SLC6A19: variants seen among roughly 807,000 people sequenced by gnomAD.
The protein encoded by SLC6A19 is solute carrier family 6 member 19.
SLC6A19 carries 67 observed loss-of-function variants against 68.3 expected under a neutral mutation model. The ratio of observed to expected loss-of-function variants is 0.98; its 90% CI spans 0.81 to 1.20. The LOEUF (loss-of-function observed/expected upper bound fraction) is 1.20. Ranked by LOEUF, SLC6A19 falls within the 50% of genes most tolerant of loss-of-function variation. The pLI is 0.00. For missense variants in SLC6A19, 813 were observed against 851.6 expected (o/e 0.95, Z 0.56); for synonymous variants, 392 against 374.9 (o/e 1.05, Z -0.53).
Position 1,214,156 on chromosome 5 carries a change from G to C in SLC6A19, c.887+91G>C. On this transcript the variant is annotated intron_variant, in intron 6 of 11. Transcript: ENST00000304460. This position sits in a 1 kb window ranked among gnomAD's most constrained non-coding sequence, Gnocchi z 7.4. ...AAAGACAAGGTGGAAAGCACTCTGTGGCTGTGTGGCCGGGGCCTTGCTGCC... is the reference window on the plus strand; with the variant it reads ...AAAGACAAGGTGGAAAGCACTCTGTCGCTGTGTGGCCGGGGCCTTGCTGCC... 6.3e-7 allele frequency: 1 copy of C among 1,586,886 alleles called. No individual in the cohort carries two copies.
rs961523050 is a variant in SLC6A19, at chr5:1,222,149, A to G, written c.*245A>G. 17 of 601,684 alleles carry G rather than the reference A, an allele frequency of 2.8e-5. No homozygotes were observed. The highest frequency in any genetic ancestry group is 1.3e-4 in the African/African-American group (7 of 53,742). The allele number at this position is 601,684 out of a possible 1,614,324, so 37.3% of individuals were successfully genotyped here. A position where few individuals can be genotyped will look rare whatever the true frequency, so the allele number is the denominator to read the frequency against. On this transcript the variant is annotated 3_prime_UTR_variant, in exon 12 of 12. Transcript: ENST00000304460. ...CATATACATGTGTGTGGGTGTGTGT[A>G]TTGTATGTGCATGTGCCATGTGTGC...
At position 1,223,312 on chromosome 5, in the gene SLC6A19, G is replaced by A. The variant is rs1038912648; in HGVS notation, c.*1408G>A. The A allele has an allele frequency of 6.6e-6, 1 of 152,264 alleles. No homozygotes were observed. Among genetic ancestry groups the A allele is most frequent in the Non-Finnish European group, 1.5e-5 (1 of 68,044 alleles). The allele number at this position is 152,264 out of a possible 1,614,324, so 9.4% of individuals were successfully genotyped here. ...ATTTTCTTAAGAGGACATGAGCTGT[G>A]TGAATTTTTAGCCAGCCTTTGGAAA... On this transcript the variant is annotated 3_prime_UTR_variant, in exon 12 of 12. Transcript: ENST00000304460.
At position 1,219,046 on chromosome 5, in the gene SLC6A19, C is replaced by G; in HGVS notation, c.1317C>G (p.Val439=). The G allele has an allele frequency of 6.2e-7, 1 of 1,614,032 alleles. No homozygotes were observed. The highest frequency in any genetic ancestry group is 8.5e-7 in the Non-Finnish European group (1 of 1,180,012). The change falls in exon 9 of 12, where the codon GTC becomes GTG. Residue 439 remains valine (V), a synonymous_variant. Coordinates refer to ENST00000304460, the MANE Select transcript of SLC6A19 (RefSeq NM_001003841.3). ...LSSMFGNMEG[V]VVPLQDLRVI... is the part of the protein sequence containing the mutation. The stretch of plus-strand genomic sequence containing the variant: ...CTATGTTTGGGAACATGGAGGGCGT[C>G]GTTGTGCCCCTGCAGGACCTCAGAG...
chr5:1,206,103 G>A (rs1237369684), intron 1 of SLC6A19, among the ~76,000 whole-genome samples: 1 of 152,214 alleles, frequency 6.6e-6, no homozygotes. Flanking sequence ...TCAACAGGCA[G>A]GCACCAAGTG....
Position 1,206,569 on chromosome 5 carries a change from G to C in SLC6A19, c.203-2177G>C, listed in dbSNP as rs148591058. 6.8e-3 allele frequency among the ~76,000 whole-genome samples: 1,042 copies of C among 152,306 alleles called. 7 individuals are homozygous for C. The highest frequency in any genetic ancestry group is 0.017 in the Middle Eastern group (5 of 294). On this transcript the variant is annotated intron_variant, in intron 1 of 11. Coordinates refer to ENST00000304460, the MANE Select transcript of SLC6A19 (RefSeq NM_001003841.3). The stretch of plus-strand genomic sequence containing the variant: ...ATGGGGATGGAATGGAGGGAGCTCA[G>C]GGTGTAAGAGATTTGGTGGGAGAAG...
Position 1,216,955 on chromosome 5 carries a change from T to C in SLC6A19, c.1173+10T>C, listed in dbSNP as rs569234859. On this transcript the variant is annotated intron_variant, in intron 8 of 11. Transcript: ENST00000304460. ...CGCCTTCCTCTCAGAGGTAGGTCCA[T>C]TCCGGAGCTCGAGGCAGGGAGAGGG... 1 of 1,612,150 alleles carries C rather than the reference T, an allele frequency of 6.2e-7. No individual in the cohort carries two copies. The highest frequency in any genetic ancestry group is 1.3e-5 in the African/African-American group (1 of 75,036).
chr5:1,210,706 TG>T, intron 3 of SLC6A19, 125 bp downstream of exon 3: 1 of 1,376,816 alleles, frequency 7.3e-7, no homozygotes, highest in South Asian at 1.2e-5. Flanking sequence ...GGCAACAGGG[TG>T]TCAAAAAATG....
rs9418 is a variant in SLC6A19 at position 1,225,006 on chromosome 5, C to T, written c.*3102C>T. Reference sequence around the variant, plus strand: ...AGGATCCCTGCGGGAATCCGGGCTTCGGGTGCATGCGATCTGATCTGAGTT... The same window carrying T: ...AGGATCCCTGCGGGAATCCGGGCTTTGGGTGCATGCGATCTGATCTGAGTT... On this transcript the variant is annotated 3_prime_UTR_variant, in exon 12 of 12. Coordinates refer to ENST00000304460, the MANE Select transcript of SLC6A19 (RefSeq NM_001003841.3). The T allele has an allele frequency of 0.41, 62,820 of 155,088 alleles. 12,844 individuals are homozygous for T. Among genetic ancestry groups the T allele is most frequent in the Non-Finnish European group, 0.43 (29,708 of 69,730 alleles). 9.6% of individuals were successfully genotyped at this position (155,088 alleles called of 1,614,324 possible). A position where few individuals can be genotyped will look rare whatever the true frequency, so the allele number is the denominator to read the frequency against.
At position 1,221,215 on chromosome 5, in the gene SLC6A19, C is replaced by A. The variant is rs370093464; in HGVS notation, c.1603C>A (p.Arg535Ser). Residue 535 changes from arginine to serine, a missense_variant, in exon 11 of 12, where the codon CGC (arginine) becomes AGC (serine). Coordinates refer to ENST00000304460, the MANE Select transcript of SLC6A19 (RefSeq NM_001003841.3). Reference sequence around the variant, plus strand: ...CAACATCTTCTGGCAAGTCACGTGGCGCGTGGTCAGCCCCCTGCTCATGCT... The same window carrying A: ...CAACATCTTCTGGCAAGTCACGTGGAGCGTGGTCAGCCCCCTGCTCATGCT... ...KPNIFWQVTW[R>S]VVSPLLMLII... 1 of 1,614,142 alleles carries A rather than the reference C, an allele frequency of 6.2e-7. No individual in the cohort carries two copies. The highest frequency in any genetic ancestry group is 1.1e-5 in the South Asian group (1 of 91,082).
In SLC6A19 at chr5:1,224,340, A is replaced by G. The variant is rs1231572875; in HGVS notation, c.*2436A>G. On this transcript the variant is annotated 3_prime_UTR_variant, in exon 12 of 12. Coordinates refer to ENST00000304460, the MANE Select transcript of SLC6A19 (RefSeq NM_001003841.3). ...TGGTAGAAATGCAGGCTTTATGGGC[A>G]TAAAGTGTACATTTCTAAATAAATC... The G allele has an allele frequency of 6.6e-6, 1 of 152,282 alleles. No individual in the cohort carries two copies. The highest frequency in any genetic ancestry group is 2.4e-5 in the African/African-American group (1 of 41,476). 9.4% of individuals were successfully genotyped at this position (152,282 alleles called of 1,614,324 possible).
chr5:1,219,959 C>A (rs564866757), intron 10 of SLC6A19, among the ~76,000 whole-genome samples: 2 of 152,220 alleles, frequency 1.3e-5, no homozygotes, highest in African/African-American at 4.8e-5. Context: ...ACTGCAGGGC[C>A]CACGGCCGGG....
chr5:1,214,558 C>T lies in SLC6A19; in HGVS notation c.887+493C>T, dbSNP rs560289011. On this transcript the variant is annotated intron_variant, in intron 6 of 11. Coordinates refer to ENST00000304460, the MANE Select transcript of SLC6A19 (RefSeq NM_001003841.3). This position sits in a 1 kb window ranked among gnomAD's most constrained non-coding sequence, Gnocchi z 7.4. ...CCAGCAGCGTCTGGGAGGAGCACAG[C>T]TGGTGTCAGTTAATTTCCACTAGCA... Among the ~76,000 whole-genome samples, 2 of 152,276 alleles carry T rather than the reference C, an allele frequency of 1.3e-5. No individual in the cohort carries two copies. Among genetic ancestry groups the T allele is most frequent in the African/African-American group, 4.8e-5 (2 of 41,550 alleles).
chr5:1,208,189 T>C (rs1470170133), intron 1 of SLC6A19, among the ~76,000 whole-genome samples: 1 of 152,128 alleles, frequency 6.6e-6, no homozygotes, highest in Non-Finnish European at 1.5e-5. Flanking sequence ...CGGTCCCCAT[T>C]AAACCCTAAT....
At position 1,222,777 on chromosome 5, in the gene SLC6A19, C is replaced by T. The variant is rs1746432626; in HGVS notation, c.*873C>T. The T allele has an allele frequency of 6.5e-6, 1 of 153,282 alleles. No homozygotes were observed. The highest frequency in any genetic ancestry group is 1.9e-4 in the East Asian group (1 of 5,228). 9.5% of individuals were successfully genotyped at this position (153,282 alleles called of 1,614,324 possible). ...ATGCCTGCCACTCGGGGCCCAGCTGCCCTCTGTGTTTGTCCTTGCCACAGT... is the reference window on the plus strand; with the variant it reads ...ATGCCTGCCACTCGGGGCCCAGCTGTCCTCTGTGTTTGTCCTTGCCACAGT... On this transcript the variant is annotated 3_prime_UTR_variant, in exon 12 of 12. Transcript: ENST00000304460.
chr5:1,201,630 C>A lies in SLC6A19; in HGVS notation c.-21C>A, dbSNP rs370713589. ...CAGCTTCTGCCCTGCCTGCTGTGTGCGGAGCCGTCCAGCGACCACCATGGT... is the reference window on the plus strand; with the variant it reads ...CAGCTTCTGCCCTGCCTGCTGTGTGAGGAGCCGTCCAGCGACCACCATGGT... On this transcript the variant is annotated 5_prime_UTR_variant, in exon 1 of 12. Coordinates refer to ENST00000304460, the MANE Select transcript of SLC6A19 (RefSeq NM_001003841.3). 13 of 1,597,210 alleles carry A rather than the reference C, an allele frequency of 8.1e-6. No homozygotes were observed. Among genetic ancestry groups the A allele is most frequent in the Non-Finnish European group, 1.1e-5 (13 of 1,177,048 alleles).
In SLC6A19 at chr5:1,215,731, GTTC is replaced by G; in HGVS notation, c.888-822_888-820del. Reference sequence around the variant, plus strand: ...CGCGTTTTTGTGGACGCATGCTTTCGTTCTTCTGGGTGTGCGCCTAGGAGTGGA... The same window carrying G: ...CGCGTTTTTGTGGACGCATGCTTTCGTTCTGGGTGTGCGCCTAGGAGTGGA... On this transcript the variant is annotated intron_variant, in intron 6 of 11. Transcript: ENST00000304460. The surrounding 1 kb of genome is among the most constrained non-coding windows in gnomAD (Gnocchi z 5.1). 6.6e-6 allele frequency among the ~76,000 whole-genome samples: 1 copy of G among 152,296 alleles called. No homozygotes were observed. The highest frequency in any genetic ancestry group is 2.1e-4 in the South Asian group (1 of 4,824).
intron 1 of SLC6A19, 103 bp downstream of exon 1, chr5:1,201,955 A>G (rs1421697039): frequency 7.1e-6 from 10 of 1,407,042 alleles, no homozygotes; most frequent in East Asian, 5.0e-5. Context: ...CGGCTCCCCA[A>G]GCACGGAGGG....
At chr5:1,207,088 T>TGC (rs1579509147) in intron 1 of SLC6A19, among the ~76,000 whole-genome samples, 1 of 152,230 alleles carries the variant, frequency 6.6e-6, no homozygotes, top group African/African-American at 2.4e-5. Context: ...GGAGACGCAC[T>TGC]GCGCGGTGCC....
In SLC6A19 at chr5:1,215,150, C is replaced by T. The variant is rs954726295; in HGVS notation, c.887+1085C>T. Among the ~76,000 whole-genome samples the T allele has an allele frequency of 2.6e-5, 4 of 152,088 alleles. No individual in the cohort carries two copies. The highest frequency in any genetic ancestry group is 1.9e-4 in the East Asian group (1 of 5,184). On this transcript the variant is annotated intron_variant, in intron 6 of 11. Coordinates refer to ENST00000304460, the MANE Select transcript of SLC6A19 (RefSeq NM_001003841.3). The surrounding 1 kb of genome is among the most constrained non-coding windows in gnomAD (Gnocchi z 5.1). Reference sequence around the variant, plus strand: ...GTGCTAGGAGGACCCCTGGGCACTGCAGGCAGCTGGGGCAGGGCCAAGGCA... The same window carrying T: ...GTGCTAGGAGGACCCCTGGGCACTGTAGGCAGCTGGGGCAGGGCCAAGGCA...
Sources: gnomAD v4.1 joint callset for allele counts (sites outside exome capture counted in the v4.1 genomes callset) on GRCh38, gnomAD v4.1.1 for gene constraint, Gnocchi (gnomAD v3.1) non-coding constraint, MANE v1.5 for transcripts, NCBI Gene and HGNC (gene_info 2026-07-23, HGNC 2026-07-21) for gene names.